The following MPZL3 variants were observed in gnomAD, a reference collection of about 807,000 sequenced individuals.
The protein encoded by MPZL3 is myelin protein zero like 3.
Under a neutral mutation model 24.8 loss-of-function variants are expected in MPZL3, and 23 were observed. That is an observed-to-expected ratio of 0.93 (90% CI 0.67 to 1.31). The LOEUF is 1.31. Among genes scored for constraint, MPZL3 ranks in the 40% most tolerant of loss-of-function variants. MPZL3 has a pLI of 0.00. For synonymous variants in MPZL3, 99 were observed against 106.5 expected, an observed-to-expected ratio of 0.93 and a Z score of 0.44; for missense variants, 277 against 294.9, an observed-to-expected ratio of 0.94 and a Z score of 0.44.
chr11:118,227,799 C>T lies in MPZL3; in HGVS notation c.*2095G>A, dbSNP rs989908319. The stretch of plus-strand genomic sequence containing the variant: ...AAGAAGGCCCAGCCAAAATTAGTTC[C>T]TCATTTAATGGGATATGGCTTTCAG... On this transcript the variant is annotated 3_prime_UTR_variant, in exon 6 of 6. Transcript: ENST00000278949. 6.6e-6 allele frequency: 1 copy of T among 152,142 alleles called. No individual in the cohort carries two copies. Among genetic ancestry groups the T allele is most frequent in the Non-Finnish European group, 1.5e-5 (1 of 68,028 alleles). 9.4% of individuals were successfully genotyped at this position (152,142 alleles called of 1,614,324 possible).
Position 118,229,792 on chromosome 11 carries a change from A to G in MPZL3, c.*102T>C. On this transcript the variant is annotated 3_prime_UTR_variant, in exon 6 of 6. Transcript: ENST00000278949. ...ATGATCTCCAGGATTGTCCATCGCT[A>G]TGGTCCAGGCCAGCTCCACTTTCTC... The G allele has an allele frequency of 1.8e-6, 2 of 1,137,306 alleles. No homozygotes were observed. Among genetic ancestry groups the G allele is most frequent in the South Asian group, 2.6e-5 (2 of 76,644 alleles). The allele number at this position is 1,137,306 out of a possible 1,614,324, so 70.5% of individuals were successfully genotyped here.
rs746811903 is a variant in MPZL3, at chr11:118,252,339, G to C, written c.-45C>G. ...CTTGCACACCTTGTTTACAGCTCCC[G>C]GTAACGACACAGGTAACACCGGAAG... On this transcript the variant is annotated 5_prime_UTR_variant, in exon 1 of 6. Coordinates refer to ENST00000278949, the MANE Select transcript of MPZL3 (RefSeq NM_198275.3). 3 of 1,592,342 alleles carry C rather than the reference G, an allele frequency of 1.9e-6. No individual in the cohort carries two copies. The highest frequency in any genetic ancestry group is 2.6e-6 in the Non-Finnish European group (3 of 1,162,198).
Position 118,228,300 on chromosome 11 carries a change from T to C in MPZL3, c.*1594A>G, listed in dbSNP as rs1459207428. 6.6e-6 allele frequency: 1 copy of C among 152,268 alleles called. No homozygotes were observed. The highest frequency in any genetic ancestry group is 1.5e-5 in the Non-Finnish European group (1 of 68,026). The allele number at this position is 152,268 out of a possible 1,614,324, so 9.4% of individuals were successfully genotyped here. On this transcript the variant is annotated 3_prime_UTR_variant, in exon 6 of 6. Coordinates refer to ENST00000278949, the MANE Select transcript of MPZL3 (RefSeq NM_198275.3). ...CTAACATATACAGTCTGAAGCGCTG[T>C]AATATGGAAACTTCCTGAACCACCT...
At chr11:118,230,190 C>T (rs948622646) in intron 5 of MPZL3, among the ~76,000 whole-genome samples, 16 of 152,164 alleles carry the variant, frequency 1.1e-4, no homozygotes, top group Admixed American at 5.2e-4. Context: ...AAAAGATGCC[C>T]GCCTACCGCA....
In MPZL3 at chr11:118,229,565, T is replaced by C. The variant is rs532955219; in HGVS notation, c.*329A>G. 55 of 215,218 alleles carry C rather than the reference T, an allele frequency of 2.6e-4. No homozygotes were observed. The South Asian group carries it at 6.3e-3, about 25-fold the overall frequency. The allele number at this position is 215,218 out of a possible 1,614,324, so 13.3% of individuals were successfully genotyped here. ...ACATTCAAAATTCTCCTTCAAACAG[T>C]TGGAAGAAAACATGTAATACATTCC... is the stretch of plus-strand genomic sequence containing the variant. On this transcript the variant is annotated 3_prime_UTR_variant, in exon 6 of 6. Coordinates refer to ENST00000278949, the MANE Select transcript of MPZL3 (RefSeq NM_198275.3).
rs1008932401 is a variant in MPZL3 at position 118,244,346 on chromosome 11, A to T, written c.74-3969T>A. Among the ~76,000 whole-genome samples the T allele has an allele frequency of 1.8e-4, 27 of 152,368 alleles. 1 individual carries two copies. Among genetic ancestry groups the T allele is most frequent in the Non-Finnish European group, 4.4e-5 (3 of 68,032 alleles). ...ATTAAGTAATCATAAAGACAAATGC[A>T]TAATTAACAAACTTGGATAACTACT... On this transcript the variant is annotated intron_variant, in intron 1 of 5. Coordinates refer to ENST00000278949, the MANE Select transcript of MPZL3 (RefSeq NM_198275.3).
chr11:118,247,631 C>T (rs977669530), intron 1 of MPZL3, among the ~76,000 whole-genome samples: 3 of 152,016 alleles, frequency 2.0e-5, no homozygotes, highest in African/African-American at 7.3e-5. Context: ...ACCCCACACC[C>T]GCCTTGTTTA....
chr11:118,248,070 CTTTTTTTTTTTT>C lies in MPZL3; in HGVS notation c.73+4140_73+4151del, dbSNP rs60335848. On this transcript the variant is annotated intron_variant, in intron 1 of 5. Coordinates refer to ENST00000278949, the MANE Select transcript of MPZL3 (RefSeq NM_198275.3). Reference sequence around the variant, plus strand: ...AACTAGACCAAACCAACAGTTTCCTCTTTTTTTTTTTTTTTTTTTTTTTGAGATGGAGTCTCA... The same window carrying C: ...AACTAGACCAAACCAACAGTTTCCTCTTTTTTTTTTTGAGATGGAGTCTCA... Among the ~76,000 whole-genome samples the C allele has an allele frequency of 5.1e-5, 5 of 98,988 alleles. No individual in the cohort carries two copies. In the Admixed American group the frequency reaches 6.7e-4, roughly 13 times the overall value. 64.9% of individuals were successfully genotyped at this position (98,988 alleles called of 152,430 possible).
intron 2 of MPZL3, among the ~76,000 whole-genome samples, chr11:118,238,690 A>T (rs1004983423): frequency 1.3e-5 from 2 of 152,210 alleles, no homozygotes; most frequent in Admixed American, 1.3e-4. Flanking sequence ...TTATTCAACA[A>T]ATATTTGGTG....
intron 1 of MPZL3, among the ~76,000 whole-genome samples, chr11:118,247,846 AC>A (rs1373993797): frequency 1.3e-5 from 2 of 152,138 alleles, no homozygotes; most frequent in South Asian, 4.1e-4. Context: ...TCAAGATTTA[AC>A]TTCATCTCCA....
In MPZL3 at chr11:118,226,994, G is replaced by A. The variant is rs1347001861; in HGVS notation, c.*2900C>T. ...GACTTAGTAGAACATTCATATTCAG[G>A]ATGTGGCCTCCAGAAGTGTCGTTTT... is the stretch of plus-strand genomic sequence containing the variant. On this transcript the variant is annotated 3_prime_UTR_variant, in exon 6 of 6. Coordinates refer to ENST00000278949, the MANE Select transcript of MPZL3 (RefSeq NM_198275.3). 1 of 152,220 alleles carries A rather than the reference G, an allele frequency of 6.6e-6. No individual in the cohort carries two copies. Among genetic ancestry groups the A allele is most frequent in the East Asian group, 1.9e-4 (1 of 5,206 alleles). The allele number at this position is 152,220 out of a possible 1,614,324, so 9.4% of individuals were successfully genotyped here.
At position 118,229,559 on chromosome 11, in the gene MPZL3, A is replaced by T. The variant is rs924578894; in HGVS notation, c.*335T>A. ...TGGCAAACATTCAAAATTCTCCTTC[A>T]AACAGTTGGAAGAAAACATGTAATA... On this transcript the variant is annotated 3_prime_UTR_variant, in exon 6 of 6. Transcript: ENST00000278949. 4.9e-6 allele frequency: 1 copy of T among 205,264 alleles called. No individual in the cohort carries two copies. Among genetic ancestry groups the T allele is most frequent in the African/African-American group, 2.3e-5 (1 of 43,388 alleles). The allele number at this position is 205,264 out of a possible 1,614,324, so 12.7% of individuals were successfully genotyped here.
chr11:118,235,331 C>T (rs1426956330), intron 4 of MPZL3, 93 bp downstream of exon 4: 7 of 1,414,590 alleles, frequency 4.9e-6, no homozygotes, highest in East Asian at 2.4e-5. Context: ...GAACTAAACT[C>T]GGTCCAGAAG....
chr11:118,235,565 A>G lies in MPZL3; in HGVS notation c.476T>C (p.Val159Ala). 1 of 1,614,014 alleles carries G rather than the reference A, an allele frequency of 6.2e-7. No homozygotes were observed. The highest frequency in any genetic ancestry group is 8.5e-7 in the Non-Finnish European group (1 of 1,179,914). Residue 159 changes from valine (V) to alanine (A), a missense_variant, in exon 4 of 6, where the codon GTG becomes GCG. Coordinates refer to ENST00000278949, the MANE Select transcript of MPZL3 (RefSeq NM_198275.3). ...ERGFGTMLSS[V>A]ALLSILVFVP... ...AAAGACAAGGATGGAAAGAAGGGCC[A>G]CAGAGGAAAGCATGGTGCCAAAACC...
chr11:118,247,613 T>C (rs542755120), intron 1 of MPZL3, among the ~76,000 whole-genome samples: 1 of 152,238 alleles, frequency 6.6e-6, no homozygotes, highest in South Asian at 2.1e-4. Context: ...AGTTATTTAA[T>C]GCCCCCCACC....
At chr11:118,235,378 C>T in intron 4 of MPZL3, 46 bp downstream of exon 4, 1 of 1,604,704 alleles carries the variant, frequency 6.2e-7, no homozygotes, top group Non-Finnish European at 8.5e-7. Flanking sequence ...GGGTAGAGCG[C>T]TAAGGAGGAA....
chr11:118,244,073 G>T (rs12286567), intron 1 of MPZL3, among the ~76,000 whole-genome samples: 31,976 of 152,002 alleles, frequency 0.21, 3,448 homozygotes, highest in Middle Eastern at 0.28. Flanking sequence ...TGTAAAATCC[G>T]AGGGATAAAA....
rs563014253 is a variant in MPZL3, at chr11:118,240,270, T to C, written c.181A>G (p.Thr61Ala). ...KCTFKSTSDV[T>A]DKLTIDWTYR... is the part of the protein sequence containing the mutation. ...GTCCAGTCTATAGTAAGTTTGTCAG[T>C]GACATCTGAAGTTGACTTGAAAGTG... The change falls in exon 2 of 6, where the codon ACT becomes GCT. Residue 61 changes from threonine to alanine, a missense_variant. Physicochemically the swap from Thr to Ala is moderately conservative, Grantham distance 58. Coordinates refer to ENST00000278949, the MANE Select transcript of MPZL3 (RefSeq NM_198275.3). The C allele has an allele frequency of 1.7e-5, 28 of 1,604,962 alleles. No homozygotes were observed. The South Asian group carries it at 2.8e-4, about 16-fold the overall frequency.
Position 118,235,460 on chromosome 11 carries a change from G to T in MPZL3, c.581C>A (p.Ser194Tyr). ...CTCAATAGATGACTTCTTATAGCCAGACCTGCTCCTCTTCTTCAGCCCAGC... is the reference window on the plus strand; with the variant it reads ...CTCAATAGATGACTTCTTATAGCCATACCTGCTCCTCTTCTTCAGCCCAGC... ...KAAGLKKRSR[S>Y]GYKKSSIEVS... Residue 194 changes from serine (S) to tyrosine (Y), a missense_variant, in exon 4 of 6, where the codon TCT (serine) becomes TAT (tyrosine). By Grantham distance (144) the Ser-to-Tyr change is moderately radical (BLOSUM62 -2). Transcript: ENST00000278949. 1 of 1,613,846 alleles carries T rather than the reference G, an allele frequency of 6.2e-7. No homozygotes were observed. The highest frequency in any genetic ancestry group is 1.1e-5 in the South Asian group (1 of 91,074).
Sources: gnomAD v4.1 joint callset for allele counts (sites outside exome capture counted in the v4.1 genomes callset) on GRCh38, gnomAD v4.1.1 for gene constraint, MANE v1.5 for transcripts, NCBI Gene and HGNC (gene_info 2026-07-23, HGNC 2026-07-21) for gene names.